The following MTRR variants were observed in gnomAD, a reference collection of about 807,000 sequenced individuals.
MTRR encodes the protein methionine synthase reductase.
In MTRR, 63 loss-of-function variants were observed where a neutral mutation model predicts 79.2. That is an observed-to-expected ratio of 0.80 (90% confidence interval 0.65 to 0.98). The LOEUF (loss-of-function observed/expected upper bound fraction) is 0.98. MTRR is among the 50% of genes least tolerant of loss of function. The pLI is 0.00. For missense variants in MTRR, 895 were observed against 839.6 expected, an observed-to-expected ratio of 1.07 and a Z score of -0.82; for synonymous variants, 355 against 313.3, an observed-to-expected ratio of 1.13 and a Z score of -1.41.
chr5:7,895,169 T>A (rs887998894), intron 11 of MTRR, among the ~76,000 whole-genome samples: 3 of 152,230 alleles, frequency 2.0e-5, no homozygotes. Context: ...TTCAGAAATA[T>A]CTTTTGAAAT....
chr5:7,900,550 A>G lies in MTRR; in HGVS notation c.*492A>G, dbSNP rs1446435181. On this transcript the variant is annotated 3_prime_UTR_variant, in exon 15 of 15. Coordinates refer to ENST00000440940, the MANE Select transcript of MTRR (RefSeq NM_002454.3). ...TACACATGTAGAGCATATCTGTTAT[A>G]TGTTTATGTAACTATCAAATGGTTA... 6.4e-6 allele frequency: 1 copy of G among 156,902 alleles called. No individual in the cohort carries two copies. Among genetic ancestry groups the G allele is most frequent in the Admixed American group, 6.1e-5 (1 of 16,282 alleles). 9.7% of individuals were successfully genotyped at this position (156,902 alleles called of 1,614,324 possible). A position where few individuals can be genotyped will look rare whatever the true frequency, so the allele number is the denominator to read the frequency against.
At chr5:7,869,007 G>A, upstream of MTRR, 3 of 1,080,694 alleles carry the variant, frequency 2.8e-6, no homozygotes, top group Non-Finnish European at 2.8e-6. Flanking sequence ...CACTCCGGGT[G>A]GTCGCGGAAG....
rs371344495 is a variant in MTRR at position 7,899,741 on chromosome 5, G to C, written c.1953-173G>C. On this transcript the variant is annotated intron_variant, in intron 14 of 14. Coordinates refer to ENST00000440940, the MANE Select transcript of MTRR (RefSeq NM_002454.3). ...TCTGTCTCCTAGAACAGTCACTGTA[G>C]GCAAAGGCCTGGCCTGGGCATGAGT... is the stretch of plus-strand genomic sequence containing the variant. Among the ~76,000 whole-genome samples the C allele has an allele frequency of 5.1e-3, 770 of 152,312 alleles. 6 individuals carry two copies. Among genetic ancestry groups the C allele is most frequent in the African/African-American group, 0.017 (721 of 41,560 alleles).
Position 7,895,867 on chromosome 5 carries a change from T to G in MTRR, c.1676+15T>G. The stretch of plus-strand genomic sequence containing the variant: ...CTACAACATAGGTATGTTCTTTTTT[T>G]GGCTAATGGGAAAATGTATTCCTGA... On this transcript the variant is annotated intron_variant, in intron 12 of 14. Transcript: ENST00000440940. The G allele has an allele frequency of 6.2e-7, 1 of 1,614,036 alleles. No individual in the cohort carries two copies. Among genetic ancestry groups the G allele is most frequent in the Non-Finnish European group, 8.5e-7 (1 of 1,179,926 alleles).
rs533003907 is a variant in MTRR at position 7,855,992 on chromosome 5, CAT to C, written n.391+4409_391+4410del. 1.4e-4 allele frequency among the ~76,000 whole-genome samples: 21 copies of C among 152,236 alleles called. No homozygotes were observed. The East Asian group carries it at 4.1e-3, about 29-fold the overall frequency. On this transcript the variant is annotated intron_variant and non_coding_transcript_variant, in intron 1 of 3. Coordinates refer to the MTRR transcript ENST00000502509. ...AGGAGCCTAGAGACATCGAGTCAAACATAGGACTAGACAGGGCTGTTGTAGGA... is the reference window on the plus strand; with the variant it reads ...AGGAGCCTAGAGACATCGAGTCAAACAGGACTAGACAGGGCTGTTGTAGGA...
upstream of MTRR, chr5:7,866,715 G>T (rs768189241): frequency 6.2e-7 from 1 of 1,612,844 alleles, no homozygotes; most frequent in Non-Finnish European, 8.5e-7. Context: ...CATTCATTAA[G>T]TGAACATGAA....
At chr5:7,866,423 A>T (rs1746953600), upstream of MTRR, among the ~76,000 whole-genome samples, 1 of 152,182 alleles carries the variant, frequency 6.6e-6, no homozygotes. Flanking sequence ...AATTTCTCAG[A>T]TAAGGCAAAA....
upstream of MTRR, among the ~76,000 whole-genome samples, chr5:7,864,240 A>G (rs562511629): frequency 2.6e-5 from 4 of 152,334 alleles, no homozygotes; most frequent in African/African-American, 7.2e-5. Flanking sequence ...GCCATTCTAC[A>G]ATGTATACAT....
At chr5:7,891,899 G>A (rs1273225569) in intron 10 of MTRR, among the ~76,000 whole-genome samples, 10 of 151,998 alleles carry the variant, frequency 6.6e-5, no homozygotes, top group East Asian at 1.9e-4. Flanking sequence ...AAAATTAGCC[G>A]GGCGTGGTGG....
At chr5:7,882,470 A>T (rs1735743487) in intron 5 of MTRR, among the ~76,000 whole-genome samples, 1 of 152,170 alleles carries the variant, frequency 6.6e-6, no homozygotes, top group Non-Finnish European at 1.5e-5. Flanking sequence ...CCTTCATCCC[A>T]GCTTTCCCAT....
At chr5:7,859,505 C>T (rs760818288) in intron 1 of MTRR, 5 of 1,605,712 alleles carry the variant, frequency 3.1e-6, no homozygotes, top group Non-Finnish European at 4.3e-6. Context: ...CAATTCACGT[C>T]TTGATTTTAG....
intron 2 of MTRR, among the ~76,000 whole-genome samples, chr5:7,862,324 T>A (rs1746610984): frequency 6.6e-6 from 1 of 152,132 alleles, no homozygotes; most frequent in South Asian, 2.1e-4. Context: ...AATGGTGCTG[T>A]CCAATTTGGC....
At chr5:7,896,606 AGT>A in intron 12 of MTRR, 1 of 540,738 alleles carries the variant, frequency 1.8e-6, no homozygotes, top group Non-Finnish European at 3.3e-6. Flanking sequence ...TAGATCTCAC[AGT>A]GTGATACTTT....
intron 2 of MTRR, chr5:7,862,849 A>G (rs1746657246): frequency 6.2e-7 from 1 of 1,613,692 alleles, no homozygotes; most frequent in Non-Finnish European, 8.5e-7. Flanking sequence ...GGGTGTCAAC[A>G]CTTTTGGAGC....
intron 6 of MTRR, among the ~76,000 whole-genome samples, chr5:7,884,458 C>T (rs1388623766): frequency 6.6e-6 from 1 of 152,176 alleles, no homozygotes. Context: ...TCTAACACCA[C>T]GTAAGTAGTT....
Position 7,870,822 on chromosome 5 carries a change from A to G in MTRR, c.28A>G (p.Thr10Ala). The part of the protein sequence containing the change: MRRFLLLYA[T>A]QQGQAKAIAE... ...GAGGAGGTTTCTGTTACTATATGCTACACAGCAGGGACAGGCAAAGGCCAT... is the reference window on the plus strand; with the variant it reads ...GAGGAGGTTTCTGTTACTATATGCTGCACAGCAGGGACAGGCAAAGGCCAT... The change falls in exon 2 of 15, where the codon ACA becomes GCA. Residue 10 changes from threonine to alanine, a missense_variant. Thr to Ala is a moderately conservative substitution (Grantham distance 58). Transcript: ENST00000440940. 1 of 1,614,238 alleles carries G rather than the reference A, an allele frequency of 6.2e-7. No individual in the cohort carries two copies. The highest frequency in any genetic ancestry group is 8.5e-7 in the Non-Finnish European group (1 of 1,180,040).
At chr5:7,886,497 C>A in intron 7 of MTRR, 118 bp from the exon 8 acceptor site, 1 of 807,946 alleles carries the variant, frequency 1.2e-6, no homozygotes, top group South Asian at 1.5e-5. Flanking sequence ...TGCCACAAGT[C>A]ATGTTGCACT....
chr5:7,854,386 A>C (rs1746166657), intron 1 of MTRR, among the ~76,000 whole-genome samples: 1 of 151,856 alleles, frequency 6.6e-6, no homozygotes, highest in Non-Finnish European at 1.5e-5. Flanking sequence ...ATGGGAGTTT[A>C]TTAAGGAGTA....
intron 4 of MTRR, among the ~76,000 whole-genome samples, chr5:7,876,754 T>C (rs1734621315): frequency 6.6e-6 from 1 of 152,202 alleles, no homozygotes; most frequent in African/African-American, 2.4e-5. Context: ...CTCTGTGCAA[T>C]AGATAACAGT....
Sources: gnomAD v4.1 joint callset for allele counts (sites outside exome capture counted in the v4.1 genomes callset) on GRCh38, gnomAD v4.1.1 for gene constraint, MANE v1.5 for transcripts, NCBI Gene and HGNC (gene_info 2026-07-23, HGNC 2026-07-21) for gene names.